CD8B2: variants seen among roughly 807,000 people sequenced by gnomAD.
The protein encoded by CD8B2 is T-cell surface glycoprotein CD8 beta-2 chain.
A neutral mutation model predicts 23.7 loss-of-function variants in CD8B2; 11 were observed. That is an observed-to-expected ratio of 0.46 (90% CI 0.29 to 0.77). The LOEUF (loss-of-function observed/expected upper bound fraction) is 0.77. Ranked by LOEUF, CD8B2 falls within the 30% of genes least tolerant of loss-of-function variation. CD8B2 has a pLI of 0.09. For missense variants in CD8B2, 197 were observed against 270.5 expected (o/e 0.73, Z 1.91); for synonymous variants, 90 against 109.3 (o/e 0.82, Z 1.10).
intron 1 of CD8B2, among the ~76,000 whole-genome samples, chr2:106,488,971 C>A (rs1215204687): frequency 6.6e-6 from 1 of 151,818 alleles, no homozygotes; most frequent in African/African-American, 2.4e-5. Context: ...GGCATCATTT[C>A]CTTCTTGTTT....
At chr2:106,503,128 C>T (rs1340730162) in intron 4 of CD8B2, among the ~76,000 whole-genome samples, 2 of 150,840 alleles carry the variant, frequency 1.3e-5, no homozygotes, top group African/African-American at 4.9e-5. Context: ...AAGCTCTGCA[C>T]AGCACTGGGT....
At chr2:106,488,121 C>A (rs1382673326) in intron 1 of CD8B2, among the ~76,000 whole-genome samples, 1 of 152,066 alleles carries the variant, frequency 6.6e-6, no homozygotes, top group Non-Finnish European at 1.5e-5. Context: ...CCTCCACACA[C>A]CCGGAAAACT....
At chr2:106,512,223 G>C (rs1679645776), downstream of CD8B2, among the ~76,000 whole-genome samples, 1 of 152,078 alleles carries the variant, frequency 6.6e-6, no homozygotes, top group Admixed American at 6.5e-5. Flanking sequence ...CTATGGGCAT[G>C]CACTACCACA....
At chr2:106,491,982 A>G (rs1256010207) in intron 2 of CD8B2, among the ~76,000 whole-genome samples, 1 of 152,112 alleles carries the variant, frequency 6.6e-6, no homozygotes. Context: ...GTGTGCACAC[A>G]GGGAAAGGAG....
chr2:106,492,443 T>G (rs564374656), intron 2 of CD8B2, among the ~76,000 whole-genome samples: 2 of 152,320 alleles, frequency 1.3e-5, no homozygotes, highest in African/African-American at 4.8e-5. Context: ...TATTTTACAT[T>G]CATTTTTCAT....
At position 106,493,550 on chromosome 2, in the gene CD8B2, A is replaced by AC. The variant is rs951070973; in HGVS notation, c.403+2318dup. Among the ~76,000 whole-genome samples, 5 of 4,978 alleles carry AC rather than the reference A, an allele frequency of 1.0e-3. No individual in the cohort carries two copies. In the Non-Finnish European group the frequency reaches 0.017, roughly 17 times the overall value. 3.3% of individuals were successfully genotyped at this position (4,978 alleles called of 152,430 possible). ...GGTAGAAAATAAGTCAAACAGAACT[A>AC]CTCTAGGGCCGTGAGGATTGAAGGA... On this transcript the variant is annotated intron_variant, in intron 2 of 5. Coordinates refer to ENST00000643224, the MANE Select transcript of CD8B2 (RefSeq NM_001349727.2).
At chr2:106,530,787 T>A (rs1679981199) in intron 5 of CD8B2, among the ~76,000 whole-genome samples, 1 of 152,090 alleles carries the variant, frequency 6.6e-6, no homozygotes, top group South Asian at 2.1e-4. Flanking sequence ...CAGGTTGCAG[T>A]GAAGAAACAG....
intron 2 of CD8B2, among the ~76,000 whole-genome samples, chr2:106,493,108 A>C (rs1345192006): frequency 6.6e-6 from 1 of 152,068 alleles, no homozygotes; most frequent in East Asian, 1.9e-4. Flanking sequence ...AGGAATGTCA[A>C]TGCCTCTCTC....
intron 5 of CD8B2, among the ~76,000 whole-genome samples, chr2:106,533,224 C>G (rs1195100664): frequency 2.6e-5 from 4 of 152,192 alleles, no homozygotes; most frequent in Non-Finnish European, 1.5e-5. Flanking sequence ...CTTCTGATTG[C>G]AGATGGATAG....
chr2:106,526,392 T>C (rs1489218115), intron 5 of CD8B2, among the ~76,000 whole-genome samples: 3 of 152,136 alleles, frequency 2.0e-5, no homozygotes, highest in Non-Finnish European at 4.4e-5. Flanking sequence ...TGAAATCCCA[T>C]ACTTGTTAGC....
At chr2:106,497,595 G>T (rs1404712597) in intron 3 of CD8B2, among the ~76,000 whole-genome samples, 1 of 152,156 alleles carries the variant, frequency 6.6e-6, no homozygotes, top group Non-Finnish European at 1.5e-5. Context: ...GCCTCACACT[G>T]CTCAGTTTGC....
intron 5 of CD8B2, among the ~76,000 whole-genome samples, chr2:106,518,012 C>T (rs886308082): frequency 6.6e-6 from 1 of 152,190 alleles, no homozygotes; most frequent in Non-Finnish European, 1.5e-5. Flanking sequence ...CCGCGCCCAG[C>T]CTGTTTATAG....
At position 106,491,074 on chromosome 2, in the gene CD8B2, G is replaced by A. The variant is rs953066041; in HGVS notation, c.244G>A (p.Gly82Ser). The change falls in exon 2 of 6, where the codon GGT (glycine) becomes AGT (serine). Residue 82 changes from glycine (G) to serine (S), a missense_variant. Around this residue, in one of 3 missense-constraint regions of CD8B2, gnomAD observed 140 missense variants for 164.2 expected, o/e 0.85. Coordinates refer to ENST00000643224, the MANE Select transcript of CD8B2 (RefSeq NM_001349727.2). ...GGATTCCGCAAAAGGGACTATCCAC[G>A]GTGAAGAGGTGGAACAGGAGAAGAT... The part of the protein sequence containing the change: ...LWDSAKGTIH[G>S]EEVEQEKIAV... 5.5e-5 allele frequency: 89 copies of A among 1,613,898 alleles called. No individual in the cohort carries two copies. The highest frequency in any genetic ancestry group is 7.0e-5 in the Non-Finnish European group (82 of 1,179,774).
intron 5 of CD8B2, among the ~76,000 whole-genome samples, chr2:106,531,459 G>A (rs1377054979): frequency 2.0e-5 from 3 of 152,098 alleles, no homozygotes; most frequent in South Asian, 2.1e-4. Flanking sequence ...TCTATCACAC[G>A]AGTTCTCGAG....
chr2:106,532,152 G>A (rs1679996788), intron 5 of CD8B2, among the ~76,000 whole-genome samples: 1 of 152,182 alleles, frequency 6.6e-6, no homozygotes, highest in Non-Finnish European at 1.5e-5. Flanking sequence ...ATTTCCCGGA[G>A]TTTGTATGTG....
At chr2:106,500,858 A>C (rs4234105) in intron 3 of CD8B2, among the ~76,000 whole-genome samples, 146,067 of 151,040 alleles carry the variant, frequency 0.97, 70,748 homozygotes, top group East Asian at 1. Flanking sequence ...GACAAAGGAA[A>C]AGATAGTCAA....
intron 5 of CD8B2, among the ~76,000 whole-genome samples, chr2:106,516,140 T>C (rs1376218008): frequency 6.6e-6 from 1 of 152,132 alleles, no homozygotes; most frequent in African/African-American, 2.4e-5. Context: ...TGGACTCCTT[T>C]TTTGAAGGTT....
At chr2:106,495,889 C>G (rs780242192) in intron 2 of CD8B2, among the ~76,000 whole-genome samples, 118 of 152,276 alleles carry the variant, frequency 7.7e-4, no homozygotes, top group Non-Finnish European at 3.4e-4. Context: ...GCCTTGACTT[C>G]CCAAGCTCAG....
intron 5 of CD8B2, among the ~76,000 whole-genome samples, chr2:106,534,301 T>C (rs1398520148): frequency 3.3e-5 from 5 of 152,176 alleles, no homozygotes; most frequent in Admixed American, 2.6e-4. Context: ...AGAGAGTTGT[T>C]GGTCCATAGA....
Sources: gnomAD v4.1 joint callset for allele counts (sites outside exome capture counted in the v4.1 genomes callset) on GRCh38, gnomAD v4.1.1 for gene constraint, gnomAD v4.1.1 regional missense constraint, MANE v1.5 for transcripts, NCBI Gene and HGNC (gene_info 2026-07-23, HGNC 2026-07-21) for gene names.